LGR5: variants seen among roughly 807,000 people sequenced by gnomAD.
The protein encoded by LGR5 is leucine rich repeat containing G protein-coupled receptor 5, also known as leucine-rich repeat-containing G protein-coupled receptor 5.
In LGR5, 54 loss-of-function variants were observed where a neutral mutation model predicts 76.7. The ratio of observed to expected loss-of-function variants is 0.70; its 90% confidence interval spans 0.57 to 0.88. The LOEUF is 0.88. Ranked by LOEUF, LGR5 falls within the 40% of genes least tolerant of loss-of-function variation. The pLI is 0.00. For synonymous variants in LGR5, 406 were observed against 421.9 expected (o/e 0.96, Z 0.46); for missense variants, 1,078 against 1,073.3 (o/e 1.00, Z -0.06).
chr12:71,482,374 G>C (rs994606425), intron 1 of LGR5, among the ~76,000 whole-genome samples: 3 of 152,062 alleles, frequency 2.0e-5, no homozygotes, highest in African/African-American at 7.2e-5. Flanking sequence ...TCCTCTGAAG[G>C]CTCTCTCCTT....
upstream of LGR5, among the ~76,000 whole-genome samples, chr12:71,439,537 G>A (rs573366026): frequency 6.5e-4 from 99 of 152,130 alleles, no homozygotes; most frequent in Admixed American, 3.9e-4. Flanking sequence ...AGGGTGGGGG[G>A]GTCCCCTATT....
chr12:71,528,666 T>C (rs1037313810), intron 3 of LGR5, among the ~76,000 whole-genome samples: 2 of 152,216 alleles, frequency 1.3e-5, no homozygotes, highest in Non-Finnish European at 2.9e-5. Context: ...TATTATTGCC[T>C]TTTAAAGTTT....
At position 71,556,711 on chromosome 12, in the gene LGR5, T is replaced by C. The variant is rs1388119208; in HGVS notation, c.716+21T>C. 3 of 1,547,996 alleles carry C rather than the reference T, an allele frequency of 1.9e-6. No individual in the cohort carries two copies. In the Admixed American group the frequency reaches 5.0e-5, roughly 26 times the overall value. ...ACTTTGTGAGTTGACCTTTTATTTG[T>C]TTCCCTTTTTTCAGTATTTTCATGA... is the stretch of plus-strand genomic sequence containing the variant. On this transcript the variant is annotated intron_variant, in intron 6 of 17. Coordinates refer to ENST00000266674, the MANE Select transcript of LGR5 (RefSeq NM_003667.4).
At chr12:71,501,131 A>G (rs1170120489) in intron 1 of LGR5, among the ~76,000 whole-genome samples, 1 of 152,220 alleles carries the variant, frequency 6.6e-6, no homozygotes, top group Non-Finnish European at 1.5e-5. Context: ...TAAATAATGC[A>G]CAGGCTTGGA....
chr12:71,556,648 T>C lies in LGR5; in HGVS notation c.674T>C (p.Leu225Pro), dbSNP rs1266409649. 6.2e-7 allele frequency: 1 copy of C among 1,612,750 alleles called. No individual in the cohort carries two copies. Among genetic ancestry groups the C allele is most frequent in the Non-Finnish European group, 8.5e-7 (1 of 1,178,742 alleles). ...CTCCATAACAATAGAATCCACTCCC[T>C]GGGAAAGAAATGCTTTGATGGGCTC... ...LHLHNNRIHS[L>P]GKKCFDGLHS... is the part of the protein sequence containing the mutation. Residue 225 changes from leucine to proline, a missense_variant, in exon 6 of 18, where the codon CTG (leucine) becomes CCG (proline). Physicochemically the swap from Leu to Pro is moderately conservative, Grantham distance 98 (BLOSUM62 -3). Transcript: ENST00000266674.
rs761273245 is a variant in LGR5 at position 71,504,712 on chromosome 12, TCCAGTCAA to T, written c.284+29_284+36del. 321 of 1,524,366 alleles carry T rather than the reference TCCAGTCAA, an allele frequency of 2.1e-4. 1 individual carries two copies. The highest frequency in any genetic ancestry group is 2.7e-4 in the Non-Finnish European group (302 of 1,098,300). 94.4% of individuals were successfully genotyped at this position (1,524,366 alleles called of 1,614,324 possible). A position where few individuals can be genotyped will look rare whatever the true frequency, so the allele number is the denominator to read the frequency against. The stretch of plus-strand genomic sequence containing the variant: ...TAAGTATCACTGTAGTCTTGATGCA[TCCAGTCAA>T]CACTGGGCACATTCTTGTGTTTGTC... On this transcript the variant is annotated intron_variant, in intron 2 of 17. Coordinates refer to ENST00000266674, the MANE Select transcript of LGR5 (RefSeq NM_003667.4).
chr12:71,530,108 G>A (rs1039828261), intron 3 of LGR5, among the ~76,000 whole-genome samples: 3 of 151,904 alleles, frequency 2.0e-5, no homozygotes, highest in Non-Finnish European at 4.4e-5. Flanking sequence ...AATACATTTA[G>A]GGCACAACAA....
At chr12:71,481,846 T>C (rs1873621031) in intron 1 of LGR5, among the ~76,000 whole-genome samples, 1 of 152,188 alleles carries the variant, frequency 6.6e-6, no homozygotes. Context: ...GTATTTTCTG[T>C]ATAATTATTA....
intron 7 of LGR5, among the ~76,000 whole-genome samples, chr12:71,560,003 G>A (rs1877976787): frequency 6.6e-6 from 1 of 152,114 alleles, no homozygotes; most frequent in Admixed American, 6.6e-5. Context: ...TAATTGCTGA[G>A]CATTTCTGAG....
intron 1 of LGR5, among the ~76,000 whole-genome samples, chr12:71,450,587 G>A (rs1346282572): frequency 2.6e-5 from 4 of 152,102 alleles, no homozygotes; most frequent in Non-Finnish European, 5.9e-5. Flanking sequence ...GGGATTATAG[G>A]CAGTAGCCAC....
At chr12:71,560,419 G>C (rs1306658459) in intron 7 of LGR5, among the ~76,000 whole-genome samples, 1 of 152,158 alleles carries the variant, frequency 6.6e-6, no homozygotes, top group African/African-American at 2.4e-5. Flanking sequence ...ACATTGAGGA[G>C]GCTGAGGAGG....
At chr12:71,510,474 T>TAG (rs776412500) in intron 2 of LGR5, among the ~76,000 whole-genome samples, 2 of 152,216 alleles carry the variant, frequency 1.3e-5, no homozygotes, top group East Asian at 3.8e-4. Flanking sequence ...CTATAAAATG[T>TAG]AGACATCCCT....
chr12:71,449,566 T>C (rs1263846381), intron 1 of LGR5, among the ~76,000 whole-genome samples: 2 of 152,210 alleles, frequency 1.3e-5, no homozygotes, highest in African/African-American at 4.8e-5. Flanking sequence ...TCCCAGCTGC[T>C]GGCCTTCCAG....
intron 16 of LGR5, 124 bp downstream of exon 16, chr12:71,580,547 A>G (rs1204336684): frequency 8.3e-6 from 8 of 968,760 alleles, no homozygotes; most frequent in Non-Finnish European, 1.2e-5. Context: ...TGTAATCCCA[A>G]CAGTTTGGGA....
rs1332597918 is a variant in LGR5, at chr12:71,544,303, TTTTC to T, written c.429-8767_429-8764del. On this transcript the variant is annotated intron_variant, in intron 4 of 17. Transcript: ENST00000266674. ...CTTTTTTTTTTCTTCGTCTTTTTTTTTTTCTTCTTCTTCTTTTTTTTTTTTTTGT... is the reference window on the plus strand; with the variant it reads ...CTTTTTTTTTTCTTCGTCTTTTTTTTTTCTTCTTCTTTTTTTTTTTTTTGT... Among the ~76,000 whole-genome samples the T allele has an allele frequency of 3.6e-3, 343 of 94,394 alleles. 3 individuals carry two copies. The highest frequency in any genetic ancestry group is 0.011 in the African/African-American group (310 of 29,332). The allele number at this position is 94,394 out of a possible 152,430, so 61.9% of individuals were successfully genotyped here.
At chr12:71,510,364 G>T (rs977122241) in intron 2 of LGR5, among the ~76,000 whole-genome samples, 1 of 152,148 alleles carries the variant, frequency 6.6e-6, no homozygotes, top group African/African-American at 2.4e-5. Flanking sequence ...ATATATGTTT[G>T]TGGTGTATAT....
Position 71,471,107 on chromosome 12 carries a change from C to A in LGR5, c.212+30815C>A, listed in dbSNP as rs541297088. Among the ~76,000 whole-genome samples the A allele has an allele frequency of 7.2e-5, 11 of 152,224 alleles. No individual in the cohort carries two copies. In the South Asian group the frequency reaches 1.9e-3, roughly 26 times the overall value. Reference sequence around the variant, plus strand: ...TAAATGTTTAATGAATTAACAAATTCTTTTTATCAGGAAGGCAAATTATCA... The same window carrying A: ...TAAATGTTTAATGAATTAACAAATTATTTTTATCAGGAAGGCAAATTATCA... On this transcript the variant is annotated intron_variant, in intron 1 of 17. Coordinates refer to ENST00000266674, the MANE Select transcript of LGR5 (RefSeq NM_003667.4).
chr12:71,554,090 A>G (rs1035052691), intron 5 of LGR5, among the ~76,000 whole-genome samples: 1 of 152,238 alleles, frequency 6.6e-6, no homozygotes, highest in Admixed American at 6.5e-5. Context: ...TCAAAAAAAA[A>G]GAAAAAATAG....
At chr12:71,542,305 C>G (rs1876918800) in intron 4 of LGR5, among the ~76,000 whole-genome samples, 1 of 152,138 alleles carries the variant, frequency 6.6e-6, no homozygotes, top group Admixed American at 6.5e-5. Context: ...TGGGGGAAGC[C>G]TGGTATATCA....
Sources: allele counts gnomAD v4.1 joint callset (sites outside exome capture counted in the v4.1 genomes callset), GRCh38; gene constraint gnomAD v4.1.1; transcripts MANE v1.5; gene names NCBI Gene and HGNC (gene_info 2026-07-23, HGNC 2026-07-21).